Variants in TM4SF18 observed in about 807,000 individuals in gnomAD.
TM4SF18 encodes transmembrane 4 L six family member 18.
In TM4SF18, 22 loss-of-function variants were observed where a neutral mutation model predicts 23.8. That is an observed-to-expected ratio of 0.92 (90% CI 0.66 to 1.32). TM4SF18 has a LOEUF of 1.32. Among genes scored for constraint, TM4SF18 ranks in the 40% most tolerant of loss-of-function variants. TM4SF18 has a pLI of 0.00. For missense variants in TM4SF18, 255 were observed against 240.3 expected (o/e 1.06, Z -0.41); for synonymous variants, 87 against 87.9 (o/e 0.99, Z 0.06).
Position 149,321,325 on chromosome 3 carries a change from A to G in TM4SF18, c.*153T>C. ...AACATACTAAATGGAAGGGTGGTAT[A>G]CTTGCATGTGCAGTGAGGACTGCAA... On this transcript the variant is annotated 3_prime_UTR_variant, in exon 6 of 6. Transcript: ENST00000296059. 2.1e-6 allele frequency: 1 copy of G among 486,080 alleles called. No homozygotes were observed. Among genetic ancestry groups the G allele is most frequent in the Non-Finnish European group, 3.8e-6 (1 of 266,210 alleles). 30.1% of individuals were successfully genotyped at this position (486,080 alleles called of 1,614,324 possible).
chr3:149,333,605 G>A lies in TM4SF18; in HGVS notation c.-110C>T, dbSNP rs979405409. 7.3e-6 allele frequency: 3 copies of A among 412,832 alleles called. No homozygotes were observed. Among genetic ancestry groups the A allele is most frequent in the African/African-American group, 2.1e-5 (1 of 48,452 alleles). 25.6% of individuals were successfully genotyped at this position (412,832 alleles called of 1,614,324 possible). On this transcript the variant is annotated 5_prime_UTR_variant, in exon 1 of 6. Transcript: ENST00000296059. ...CCGACAATCTCAGTGTGAAATACTG[G>A]TTTACTGTTTGGAGAACAATAGACA...
chr3:149,326,028 G>T lies in TM4SF18; in HGVS notation c.268-1006C>A, dbSNP rs144838827. 6.1e-3 allele frequency among the ~76,000 whole-genome samples: 933 copies of T among 151,916 alleles called. 9 individuals carry two copies. Among genetic ancestry groups the T allele is most frequent in the African/African-American group, 0.022 (891 of 41,432 alleles). ...ATATATACAAATATGTATTTATTATGTGTTTTTGTTACTGAGCCATTAGGT... is the reference window on the plus strand; with the variant it reads ...ATATATACAAATATGTATTTATTATTTGTTTTTGTTACTGAGCCATTAGGT... On this transcript the variant is annotated intron_variant, in intron 3 of 5. Transcript: ENST00000296059.
At chr3:149,329,320 A>G (rs1576833804) in intron 3 of TM4SF18, among the ~76,000 whole-genome samples, 1 of 152,198 alleles carries the variant, frequency 6.6e-6, no homozygotes, top group African/African-American at 2.4e-5. Context: ...CTACGCATTG[A>G]AATATCCTGG....
chr3:149,319,296 T>G lies in TM4SF18; in HGVS notation c.*2182A>C, dbSNP rs1730750859. ...GATGGTCCTAGATATGACTAGCTTATGGACTTGATAGAGAAATCCTGGGCT... is the reference window on the plus strand; with the variant it reads ...GATGGTCCTAGATATGACTAGCTTAGGGACTTGATAGAGAAATCCTGGGCT... On this transcript the variant is annotated 3_prime_UTR_variant, in exon 6 of 6. Coordinates refer to ENST00000296059, the MANE Select transcript of TM4SF18 (RefSeq NM_138786.4). 6.6e-6 allele frequency: 1 copy of G among 152,258 alleles called. No homozygotes were observed. Among genetic ancestry groups the G allele is most frequent in the Admixed American group, 6.5e-5 (1 of 15,290 alleles). 9.4% of individuals were successfully genotyped at this position (152,258 alleles called of 1,614,324 possible).
At position 149,321,444 on chromosome 3, in the gene TM4SF18, C is replaced by T; in HGVS notation, c.*34G>A. ...TTGATATAATATTTAGATAGATGGC[C>T]ATGTCTTGATAATGGAAAACATTTT... On this transcript the variant is annotated 3_prime_UTR_variant, in exon 6 of 6. Coordinates refer to ENST00000296059, the MANE Select transcript of TM4SF18 (RefSeq NM_138786.4). The T allele has an allele frequency of 1.3e-6, 2 of 1,505,492 alleles. No homozygotes were observed. Among genetic ancestry groups the T allele is most frequent in the Non-Finnish European group, 1.8e-6 (2 of 1,101,182 alleles). 93.3% of individuals were successfully genotyped at this position (1,505,492 alleles called of 1,614,324 possible). A position where few individuals can be genotyped will look rare whatever the true frequency, so the allele number is the denominator to read the frequency against.
chr3:149,318,692 T>C lies in TM4SF18; in HGVS notation c.*2786A>G, dbSNP rs962926137. The C allele has an allele frequency of 5.9e-5, 9 of 152,210 alleles. No homozygotes were observed. Among genetic ancestry groups the C allele is most frequent in the African/African-American group, 2.2e-4 (9 of 41,448 alleles). 9.4% of individuals were successfully genotyped at this position (152,210 alleles called of 1,614,324 possible). On this transcript the variant is annotated 3_prime_UTR_variant, in exon 6 of 6. Transcript: ENST00000296059. ...TCAGCCTATAGCATCTGGTCTCCCA[T>C]CCAAGTAATAACCTGGATCAATCCT...
At chr3:149,330,474 C>T in intron 2 of TM4SF18, 55 bp from the exon 3 acceptor site, 1 of 1,253,566 alleles carries the variant, frequency 8.0e-7, no homozygotes, top group Non-Finnish European at 1.1e-6. Flanking sequence ...TACATTTGTG[C>T]TTATAATCAG....
At chr3:149,323,623 T>A (rs1360517358) in intron 4 of TM4SF18, among the ~76,000 whole-genome samples, 2 of 152,246 alleles carry the variant, frequency 1.3e-5, no homozygotes, top group Admixed American at 1.3e-4. Context: ...AATCTCTTAA[T>A]CCTGTTATCT....
At position 149,325,164 on chromosome 3, in the gene TM4SF18, A is replaced by G. The variant is rs564387142; in HGVS notation, c.268-142T>C. The G allele has an allele frequency of 3.1e-5, 22 of 714,634 alleles. 1 individual carries two copies. Among genetic ancestry groups the G allele is most frequent in the Middle Eastern group, 4.5e-4 (1 of 2,234 alleles). The allele number at this position is 714,634 out of a possible 1,614,324, so 44.3% of individuals were successfully genotyped here. A position where few individuals can be genotyped will look rare whatever the true frequency, so the allele number is the denominator to read the frequency against. ...ACTAAATGCCCACATAGAAATAAAAAAAAAAGTAATCCAAACCTATTTGAT... is the reference window on the plus strand; with the variant it reads ...ACTAAATGCCCACATAGAAATAAAAGAAAAAGTAATCCAAACCTATTTGAT... On this transcript the variant is annotated intron_variant, in intron 3 of 5. Coordinates refer to ENST00000296059, the MANE Select transcript of TM4SF18 (RefSeq NM_138786.4).
In TM4SF18 at chr3:149,322,905, C is replaced by CT. The variant is rs34338382; in HGVS notation, c.411-470dup. ...GAACTTTACCCCTCTGGCCTCCAGA[C>CT]TTTTTTTTTTTTTTTTGAGACGGAG... On this transcript the variant is annotated intron_variant, in intron 4 of 5. Transcript: ENST00000296059. Among the ~76,000 whole-genome samples, 156 of 128,768 alleles carry CT rather than the reference C, an allele frequency of 1.2e-3. 5 individuals carry two copies. Among genetic ancestry groups the CT allele is most frequent in the African/African-American group, 2.3e-3 (84 of 36,038 alleles). 84.5% of individuals were successfully genotyped at this position (128,768 alleles called of 152,430 possible).
chr3:149,329,524 T>C (rs1300352192), intron 3 of TM4SF18, among the ~76,000 whole-genome samples: 1 of 152,164 alleles, frequency 6.6e-6, no homozygotes, highest in African/African-American at 2.4e-5. Context: ...AATAATCACT[T>C]GTTCTCTTTG....
At position 149,332,922 on chromosome 3, in the gene TM4SF18, AG is replaced by A. The variant is rs567106162; in HGVS notation, c.177+283del. Reference sequence around the variant, plus strand: ...GATCAAATAGCTTAAATTGATATGCAGGGTTCATGAGAACATACTGTTTTTA... The same window carrying A: ...GATCAAATAGCTTAAATTGATATGCAGGTTCATGAGAACATACTGTTTTTA... On this transcript the variant is annotated intron_variant, in intron 2 of 5. Coordinates refer to ENST00000296059, the MANE Select transcript of TM4SF18 (RefSeq NM_138786.4). Among the ~76,000 whole-genome samples the A allele has an allele frequency of 7.8e-4, 119 of 152,328 alleles. 5 individuals carry two copies. In the South Asian group the frequency reaches 0.024, roughly 30 times the overall value.
chr3:149,324,785 C>T (rs970190688), intron 4 of TM4SF18, 95 bp downstream of exon 4: 4 of 1,534,738 alleles, frequency 2.6e-6, no homozygotes, highest in Non-Finnish European at 3.6e-6. Flanking sequence ...CCACATGGAA[C>T]CCCAAAGTGA....
intron 1 of TM4SF18, 46 bp from the exon 2 acceptor site, chr3:149,333,445 C>G: frequency 9.5e-7 from 1 of 1,057,384 alleles, no homozygotes; most frequent in Non-Finnish European, 1.3e-6. Flanking sequence ...GTCTATTTTT[C>G]TTCTTCCTAC....
intron 3 of TM4SF18, among the ~76,000 whole-genome samples, chr3:149,328,053 C>T (rs7634903): frequency 0.14 from 22,050 of 152,070 alleles, 1,731 homozygotes; most frequent in East Asian, 0.33. Flanking sequence ...CCTTATTTGG[C>T]CAATATTTGC....
At chr3:149,325,480 T>C (rs1187437963) in intron 3 of TM4SF18, among the ~76,000 whole-genome samples, 1 of 152,328 alleles carries the variant, frequency 6.6e-6, no homozygotes, top group East Asian at 1.9e-4. Context: ...AGGTATAGTA[T>C]TGAAATTTAT....
In TM4SF18 at chr3:149,333,337, G is replaced by T. The variant is rs138596742; in HGVS notation, c.46C>A (p.Pro16Thr). The T allele has an allele frequency of 7.0e-5, 113 of 1,613,342 alleles. No homozygotes were observed. Among genetic ancestry groups the T allele is most frequent in the Non-Finnish European group, 9.0e-5 (106 of 1,179,734 alleles). ...ACGATTATACTCCAAAGTGCAAGCG[G>T]AATCAGCAAACAACTTAGGCAGCCT... Reference protein sequence around the residue: ...CGGCLSCLLIPLALWSIIVNI... With the variant: ...CGGCLSCLLITLALWSIIVNI... The change falls in exon 2 of 6, where the codon CCG (proline) becomes ACG (threonine). Residue 16 changes from proline (P) to threonine (T), a missense_variant. Transcript: ENST00000296059.
chr3:149,333,435 G>C (rs1166893518), intron 1 of TM4SF18, 36 bp from the exon 2 acceptor site: 1 of 1,052,534 alleles, frequency 9.5e-7, no homozygotes, highest in East Asian at 3.9e-5. Flanking sequence ...GTCACAGAAA[G>C]TCTATTTTTC....
At chr3:149,332,298 A>C (rs991023308) in intron 2 of TM4SF18, among the ~76,000 whole-genome samples, 3 of 152,206 alleles carry the variant, frequency 2.0e-5, no homozygotes, top group African/African-American at 4.8e-5. Flanking sequence ...AACCCCTAAA[A>C]GATGTAGAAA....
Sources: allele counts gnomAD v4.1 joint callset (sites outside exome capture counted in the v4.1 genomes callset), GRCh38; gene constraint gnomAD v4.1.1; transcripts MANE v1.5; gene names NCBI Gene and HGNC (gene_info 2026-07-23, HGNC 2026-07-21).